The following ANKUB1 variants were observed in gnomAD, a reference collection of about 807,000 sequenced individuals.
ANKUB1 encodes ankyrin repeat and ubiquitin domain containing 1.
ANKUB1 carries 42 observed loss-of-function variants against 49.3 expected under a neutral mutation model. The ratio of observed to expected loss-of-function variants is 0.85; its 90% CI spans 0.67 to 1.10. The LOEUF (loss-of-function observed/expected upper bound fraction) is 1.10. Ranked by LOEUF, ANKUB1 falls within the 50% of genes least tolerant of loss-of-function variation. ANKUB1 has a pLI of 0.00. For synonymous variants in ANKUB1, 222 were observed against 231.0 expected (o/e 0.96, Z 0.35); for missense variants, 613 against 642.0 (o/e 0.95, Z 0.49).
intron 2 of ANKUB1, among the ~76,000 whole-genome samples, chr3:149,785,830 C>T (rs1156598838): frequency 3.9e-5 from 6 of 152,092 alleles, no homozygotes; most frequent in Admixed American, 6.5e-5. Context: ...CTTGAGGAAT[C>T]TCCATACTGT....
chr3:149,770,687 A>G lies in ANKUB1; in HGVS notation c.452-13T>C. Reference sequence around the variant, plus strand: ...CGAAGTGTTGTGCCTGTGGATCAAGAGAGGTGGTTTATGGTTCCAGTCCAG... The same window carrying G: ...CGAAGTGTTGTGCCTGTGGATCAAGGGAGGTGGTTTATGGTTCCAGTCCAG... On this transcript the variant is annotated splice_polypyrimidine_tract_variant and intron_variant, in intron 3 of 5. Transcript: ENST00000446160. 1.3e-6 allele frequency: 2 copies of G among 1,505,834 alleles called. No homozygotes were observed. Among genetic ancestry groups the G allele is most frequent in the Non-Finnish European group, 1.8e-6 (2 of 1,111,818 alleles). 93.3% of individuals were successfully genotyped at this position (1,505,834 alleles called of 1,614,324 possible).
At chr3:149,776,168 T>C (rs1717586249) in intron 3 of ANKUB1, among the ~76,000 whole-genome samples, 1 of 152,196 alleles carries the variant, frequency 6.6e-6, no homozygotes, top group South Asian at 2.1e-4. Context: ...AATCCAAAGC[T>C]TTTTTATCTC....
intron 5 of ANKUB1, among the ~76,000 whole-genome samples, chr3:149,764,872 A>AT (rs979014070): frequency 6.6e-6 from 1 of 151,830 alleles, no homozygotes; most frequent in Non-Finnish European, 1.5e-5. Context: ...CAAAAAAAAA[A>AT]GCACACTGGT....
At chr3:149,788,466 T>A (rs180671461) in intron 2 of ANKUB1, among the ~76,000 whole-genome samples, 2 of 151,922 alleles carry the variant, frequency 1.3e-5, no homozygotes, top group Admixed American at 6.6e-5. Context: ...GCCTCACAAG[T>A]AGCTGGGATT....
At chr3:149,768,119 AG>A in intron 4 of ANKUB1, 24 bp from the exon 5 acceptor site, 1 of 1,220,014 alleles carries the variant, frequency 8.2e-7, no homozygotes, top group Non-Finnish European at 1.1e-6. Context: ...ACAAGTGGGG[AG>A]GGGGTGTTTA....
At chr3:149,763,924 C>T in intron 5 of ANKUB1, 1 of 456,266 alleles carries the variant, frequency 2.2e-6, no homozygotes, top group South Asian at 1.5e-5. Context: ...TCCTGAATGA[C>T]ATGTGGTCCA....
chr3:149,774,813 T>A (rs60600040), intron 3 of ANKUB1, among the ~76,000 whole-genome samples: 3,086 of 152,326 alleles, frequency 0.02, 111 homozygotes, highest in African/African-American at 0.07. Context: ...TTCACCCCTG[T>A]TGCTTTGTAA....
Position 149,767,935 on chromosome 3 carries a change from G to C in ANKUB1, c.727C>G (p.Pro243Ala). ...CCTGCTTCTGCGGCTGCATGAATGG[G>C]GCATTTAGAGACATCTGCATGAAGG... The part of the protein sequence containing the change: ...EALHADVSKC[P>A]IHAAAEAGQL... Residue 243 changes from proline (P) to alanine (A), a missense_variant, in exon 5 of 6, where the codon CCC becomes GCC. Pro to Ala is a conservative substitution (Grantham distance 27). Transcript: ENST00000446160. 1 of 1,548,814 alleles carries C rather than the reference G, an allele frequency of 6.5e-7. No homozygotes were observed. Among genetic ancestry groups the C allele is most frequent in the Non-Finnish European group, 8.7e-7 (1 of 1,144,560 alleles).
At chr3:149,773,923 C>G (rs565359326) in intron 3 of ANKUB1, among the ~76,000 whole-genome samples, 2 of 152,098 alleles carry the variant, frequency 1.3e-5, no homozygotes, top group African/African-American at 4.8e-5. Flanking sequence ...GTATTCCCAG[C>G]ACTTTGGGTG....
At chr3:149,788,906 G>A (rs1718232539) in intron 2 of ANKUB1, among the ~76,000 whole-genome samples, 1 of 151,918 alleles carries the variant, frequency 6.6e-6, no homozygotes, top group African/African-American at 2.4e-5. Flanking sequence ...CTCCTGAGTA[G>A]ATGGGATTAC....
intron 3 of ANKUB1, chr3:149,779,449 G>T (rs953771247): frequency 6.6e-6 from 1 of 152,094 alleles, no homozygotes; most frequent in East Asian, 1.9e-4. Flanking sequence ...AGCATTAGAG[G>T]TATGAATCAC....
intron 1 of ANKUB1, 47 bp from the exon 2 acceptor site, chr3:149,790,971 C>A: frequency 1.3e-6 from 2 of 1,513,592 alleles, no homozygotes; most frequent in Admixed American, 2.1e-5. Flanking sequence ...CCTTACGTTA[C>A]TAGACCAGAA....
chr3:149,780,031 G>A (rs1717785550), intron 3 of ANKUB1: 1 of 571,126 alleles, frequency 1.8e-6, no homozygotes, highest in Middle Eastern at 4.7e-4. Flanking sequence ...GCCAGGAGAG[G>A]GAGGGCAACT....
intron 4 of ANKUB1, among the ~76,000 whole-genome samples, chr3:149,769,711 A>T (rs929590030): frequency 6.6e-6 from 1 of 152,226 alleles, no homozygotes; most frequent in Non-Finnish European, 1.5e-5. Flanking sequence ...AATGAAAAAG[A>T]ATTGTTTTAT....
intron 2 of ANKUB1, among the ~76,000 whole-genome samples, chr3:149,786,621 A>G (rs1010244810): frequency 6.6e-6 from 1 of 152,098 alleles, no homozygotes; most frequent in Non-Finnish European, 1.5e-5. Context: ...TTTTGTTGCC[A>G]TTGCTTTTGG....
chr3:149,779,539 G>C (rs1053131883), intron 3 of ANKUB1: 1 of 152,134 alleles, frequency 6.6e-6, no homozygotes, highest in African/African-American at 2.4e-5. Context: ...TTCCACTAAT[G>C]CAGATTTTCA....
chr3:149,787,397 C>T (rs575863529), intron 2 of ANKUB1, among the ~76,000 whole-genome samples: 4 of 152,184 alleles, frequency 2.6e-5, no homozygotes, highest in Admixed American at 1.3e-4. Context: ...TAGGAATACT[C>T]GTGATTTTTG....
chr3:149,764,706 TTC>T (rs886253952), intron 5 of ANKUB1, among the ~76,000 whole-genome samples: 10 of 150,482 alleles, frequency 6.6e-5, no homozygotes, highest in South Asian at 2.1e-4. Flanking sequence ...CTTCCTCTCT[TTC>T]TCTCTTTCCT....
chr3:149,777,629 G>A (rs192343102), intron 3 of ANKUB1, among the ~76,000 whole-genome samples: 14 of 152,310 alleles, frequency 9.2e-5, no homozygotes, highest in African/African-American at 2.6e-4. Context: ...TCTCAGCAAG[G>A]TTCCTCCGCT....
Sources: allele counts gnomAD v4.1 joint callset (sites outside exome capture counted in the v4.1 genomes callset), GRCh38; gene constraint gnomAD v4.1.1; transcripts MANE v1.5; gene names NCBI Gene and HGNC (gene_info 2026-07-23, HGNC 2026-07-21).